The following LITAFD variants were observed in gnomAD, a reference collection of about 807,000 sequenced individuals.
LITAFD encodes LITAF domain containing, also known as lITAF domain-containing protein.
intron 3 of LITAFD, chr16:8,884,963 G>T: frequency 2.5e-6 from 1 of 397,516 alleles, no homozygotes; most frequent in Non-Finnish European, 4.4e-6. Context: ...GGTGGCACGT[G>T]CCTGTAATCC....
chr16:8,883,901 C>T (rs1309855855), intron 2 of LITAFD, among the ~76,000 whole-genome samples: 1 of 152,104 alleles, frequency 6.6e-6, no homozygotes, highest in Non-Finnish European at 1.5e-5. Flanking sequence ...CCCATCTCTA[C>T]TAAAAATACA....
chr16:8,883,990 G>C (rs918189806), intron 2 of LITAFD, among the ~76,000 whole-genome samples: 7 of 152,104 alleles, frequency 4.6e-5, no homozygotes, highest in African/African-American at 9.7e-5. Context: ...GCTTGAACCC[G>C]GGAGGCGGAG....
In LITAFD at chr16:8,884,539, G is replaced by A. The variant is rs943749764; in HGVS notation, c.110+74G>A. The A allele has an allele frequency of 1.8e-5, 7 of 398,096 alleles. No homozygotes were observed. In the Admixed American group the frequency reaches 2.6e-4, roughly 15 times the overall value. 24.7% of individuals were successfully genotyped at this position (398,096 alleles called of 1,614,324 possible). A position where few individuals can be genotyped will look rare whatever the true frequency, so the allele number is the denominator to read the frequency against. ...GTGGGTCCGGGTGGGTCCCTGCAGGGTAGGGGGAGCTTTCGGGGAAAATAG... is the reference window on the plus strand; with the variant it reads ...GTGGGTCCGGGTGGGTCCCTGCAGGATAGGGGGAGCTTTCGGGGAAAATAG... On this transcript the variant is annotated intron_variant, in intron 3 of 3. Transcript: ENST00000636296.
chr16:8,883,654 C>T (rs925059306), intron 2 of LITAFD, among the ~76,000 whole-genome samples: 2 of 152,216 alleles, frequency 1.3e-5, no homozygotes, highest in African/African-American at 4.8e-5. Flanking sequence ...CAGGTGGGGC[C>T]TGGGTTTTGG....
At chr16:8,884,537 G>T in intron 3 of LITAFD, 72 bp downstream of exon 3, 1 of 398,200 alleles carries the variant, frequency 2.5e-6, no homozygotes, top group Admixed American at 4.4e-5. Context: ...GGTCCCTGCA[G>T]GGTAGGGGGA....
At chr16:8,884,397 C>T in exon 3 of LITAFD, 1 of 399,164 alleles carries the variant, frequency 2.5e-6, no homozygotes, top group Non-Finnish European at 4.4e-6. Flanking sequence ...GAAACCGCAT[C>T]ATCACGGTGA....
intron 1 of LITAFD, among the ~76,000 whole-genome samples, chr16:8,883,003 T>C (rs1387853662): frequency 6.6e-6 from 1 of 152,132 alleles, no homozygotes; most frequent in East Asian, 1.9e-4. Flanking sequence ...GCCCGGCTAA[T>C]TTTTGTATTT....
At chr16:8,884,073 A>C (rs72768267) in intron 2 of LITAFD, among the ~76,000 whole-genome samples, 1 of 152,190 alleles carries the variant, frequency 6.6e-6, no homozygotes, top group Non-Finnish European at 1.5e-5. Context: ...TCCAAAATAA[A>C]AAGAAAAAAG....
At chr16:8,885,163 C>T (rs2061560233) in intron 3 of LITAFD, 24 bp from the exon 4 acceptor site, 2 of 399,162 alleles carry the variant, frequency 5.0e-6, no homozygotes, top group South Asian at 2.5e-4. Context: ...CCGCTCACGC[C>T]CAGCCTCCGC....
chr16:8,884,221 C>G (rs1596338766), intron 2 of LITAFD, 102 bp from the exon 3 acceptor site: 1 of 397,332 alleles, frequency 2.5e-6, no homozygotes, highest in Non-Finnish European at 4.4e-6. Context: ...ATCCCAGCAT[C>G]TCCCCATCTC....
chr16:8,884,031 C>G (rs541938318), intron 2 of LITAFD, among the ~76,000 whole-genome samples: 175 of 152,312 alleles, frequency 1.1e-3, no homozygotes, highest in Non-Finnish European at 8.8e-4. Context: ...CACCACTGCA[C>G]TCCAGCCTGG....
chr16:8,882,677 G>C (rs1358696431), intron 1 of LITAFD, 167 bp downstream of exon 1: 1 of 152,468 alleles, frequency 6.6e-6, no homozygotes, highest in African/African-American at 2.4e-5. Context: ...ACCAATCAGG[G>C]GGCCACGGAA....
At chr16:8,882,697 G>C (rs76553093) in intron 1 of LITAFD, 187 bp downstream of exon 1, 1 of 152,402 alleles carries the variant, frequency 6.6e-6, no homozygotes, top group Non-Finnish European at 1.5e-5. Context: ...ACCCAATAGA[G>C]ACCATTGGGC....
chr16:8,884,426 C>G (rs970894567), exon 3 of LITAFD: 1 of 399,268 alleles, frequency 2.5e-6, no homozygotes, highest in Non-Finnish European at 4.4e-6. Context: ...GTCCCGGGTG[C>G]CCTCACCTGG....
chr16:8,885,119 C>A, intron 3 of LITAFD, 68 bp from the exon 4 acceptor site: 1 of 399,262 alleles, frequency 2.5e-6, no homozygotes, highest in Non-Finnish European at 4.4e-6. Flanking sequence ...CTGCCTGGGT[C>A]CCAGGTGCGT....
At chr16:8,884,431 A>C (rs1596338876) in exon 3 of LITAFD, 1 of 323,358 alleles carries the variant, frequency 3.1e-6, no homozygotes, top group Non-Finnish European at 5.5e-6. Flanking sequence ...GGGTGCCCTC[A>C]CCTGGCTGCT....
chr16:8,884,749 C>T (rs566779011), intron 3 of LITAFD, among the ~76,000 whole-genome samples: 22 of 152,106 alleles, frequency 1.4e-4, no homozygotes, highest in Non-Finnish European at 2.6e-4. Flanking sequence ...CAAGAGCTTG[C>T]GGGTTCAGGA....
chr16:8,884,555 G>A (rs904432691), intron 3 of LITAFD, 90 bp downstream of exon 3: 36 of 398,138 alleles, frequency 9.0e-5, no homozygotes, highest in African/African-American at 6.2e-4. Flanking sequence ...GGAGCTTTCG[G>A]GGAAAATAGC....
exon 4 of LITAFD, chr16:8,885,332 C>T: frequency 2.5e-6 from 1 of 398,866 alleles, no homozygotes; most frequent in Non-Finnish European, 4.4e-6. Context: ...GCCACCTGGG[C>T]ACACCCGTGT....
Sources: allele counts gnomAD v4.1 joint callset (sites outside exome capture counted in the v4.1 genomes callset), GRCh38; gene constraint gnomAD v4.1.1; transcripts MANE v1.5; gene names NCBI Gene and HGNC (gene_info 2026-07-23, HGNC 2026-07-21).